Variants in CDH13 observed in about 807,000 individuals in gnomAD.
CDH13 encodes the protein cadherin 13.
In CDH13, 24 loss-of-function variants were observed where a neutral mutation model predicts 63.8. That is an observed-to-expected ratio of 0.38 (90% CI 0.27 to 0.53). The LOEUF (loss-of-function observed/expected upper bound fraction) is 0.53, where lower values mean the gene tolerates loss of function less well. Among genes scored for constraint, CDH13 ranks in the 20% least tolerant of loss-of-function variants. The pLI, the probability that CDH13 is intolerant of heterozygous loss-of-function variation, is 0.85. For synonymous variants in CDH13, 503 were observed against 355.3 expected, an observed-to-expected ratio of 1.42 and a Z score of -4.67; for missense variants, 1,049 against 903.1, an observed-to-expected ratio of 1.16 and a Z score of -2.07.
chr16:83,533,536 G>T (rs1416553546), intron 7 of CDH13, among the ~76,000 whole-genome samples: 1 of 152,004 alleles, frequency 6.6e-6, no homozygotes, highest in Non-Finnish European at 1.5e-5. Context: ...TAAGGACCCA[G>T]CACAAGGAGG....
chr16:83,377,969 A>G (rs1321384718), intron 6 of CDH13, among the ~76,000 whole-genome samples: 2 of 152,200 alleles, frequency 1.3e-5, no homozygotes, highest in Non-Finnish European at 2.9e-5. Flanking sequence ...TGAGTAGAAG[A>G]TGAATTTGCA....
chr16:82,735,199 T>C (rs1024090769), intron 1 of CDH13, among the ~76,000 whole-genome samples: 1 of 152,234 alleles, frequency 6.6e-6, no homozygotes, highest in Non-Finnish European at 1.5e-5. Flanking sequence ...TCCCCACCCA[T>C]TGATTATCAT....
At position 83,198,874 on chromosome 16, in the gene CDH13, T is replaced by C. The variant is rs527339367; in HGVS notation, c.484-18471T>C. 3.9e-5 allele frequency among the ~76,000 whole-genome samples: 6 copies of C among 152,270 alleles called. No individual in the cohort carries two copies. In the South Asian group the frequency reaches 1.0e-3, roughly 26 times the overall value. ...ACTCTGTGGTACTAAAATTAAATAA[T>C]GGGGTTTTTTTTAAAGACAGAATTG... is the stretch of plus-strand genomic sequence containing the variant. On this transcript the variant is annotated intron_variant, in intron 4 of 13. Transcript: ENST00000567109.
chr16:83,212,145 C>T (rs966757641), intron 4 of CDH13, among the ~76,000 whole-genome samples: 11 of 152,202 alleles, frequency 7.2e-5, no homozygotes, highest in East Asian at 3.9e-4. Flanking sequence ...CTGTGGAGTT[C>T]CCAGGAGTTG....
intron 2 of CDH13, among the ~76,000 whole-genome samples, chr16:82,937,165 C>T (rs2042695077): frequency 6.6e-6 from 1 of 152,172 alleles, no homozygotes; most frequent in African/African-American, 2.4e-5. Context: ...GGTGGTCACG[C>T]TACTGCTGCA....
chr16:83,069,250 T>A (rs2032256294), intron 3 of CDH13, among the ~76,000 whole-genome samples: 2 of 152,180 alleles, frequency 1.3e-5, no homozygotes, highest in Non-Finnish European at 2.9e-5. Context: ...TTTATCAGAG[T>A]TCTAACACCA....
chr16:82,824,531 T>C, intron 1 of CDH13: 1 of 152,184 alleles, frequency 6.6e-6, no homozygotes, highest in East Asian at 1.9e-4. Context: ...CTGAAGTAAG[T>C]TCACAACGCC....
At chr16:83,783,229 A>T in intron 12 of CDH13, 25 bp from the exon 13 acceptor site, 1 of 1,559,846 alleles carries the variant, frequency 6.4e-7, no homozygotes. Flanking sequence ...ATCCACTCTC[A>T]CCAGAACCCT....
intron 2 of CDH13, among the ~76,000 whole-genome samples, chr16:82,912,999 C>A (rs912930586): frequency 1.3e-5 from 2 of 150,816 alleles, no homozygotes; most frequent in African/African-American, 4.9e-5. Flanking sequence ...CGTTTGTTGT[C>A]TCTACATGGT....
intron 1 of CDH13, among the ~76,000 whole-genome samples, chr16:82,816,790 C>G (rs1052124266): frequency 8.2e-5 from 11 of 134,438 alleles, no homozygotes; most frequent in African/African-American, 3.2e-4. Context: ...TCACTACCAC[C>G]TGCTAGAAAC....
At chr16:83,295,672 T>C (rs1479018784) in intron 5 of CDH13, among the ~76,000 whole-genome samples, 1 of 152,134 alleles carries the variant, frequency 6.6e-6, no homozygotes, top group Non-Finnish European at 1.5e-5. Flanking sequence ...AGATAAAATA[T>C]AAATGTTGGC....
At chr16:82,847,292 A>T (rs913662543) in intron 1 of CDH13, among the ~76,000 whole-genome samples, 15 of 152,224 alleles carry the variant, frequency 9.9e-5, no homozygotes, top group African/African-American at 3.6e-4. Context: ...GAATGTCAGA[A>T]GTTCAAAATG....
chr16:83,374,988 A>G (rs963334864), intron 6 of CDH13, among the ~76,000 whole-genome samples: 5 of 152,210 alleles, frequency 3.3e-5, no homozygotes, highest in African/African-American at 1.2e-4. Context: ...ATCTCAAGAA[A>G]TTCCGAAAAT....
At chr16:83,024,541 C>T (rs948318235) in intron 2 of CDH13, among the ~76,000 whole-genome samples, 6 of 152,088 alleles carry the variant, frequency 3.9e-5, no homozygotes, top group East Asian at 1.9e-4. Flanking sequence ...GATTTGACCT[C>T]GGTTCATATA....
At chr16:83,722,084 A>G (rs1909773121) in intron 10 of CDH13, among the ~76,000 whole-genome samples, 1 of 152,160 alleles carries the variant, frequency 6.6e-6, no homozygotes, top group African/African-American at 2.4e-5. Flanking sequence ...CAAGCTACTC[A>G]TTCCCAGGGA....
At chr16:83,472,238 C>T (rs556510690) in intron 6 of CDH13, among the ~76,000 whole-genome samples, 2 of 152,188 alleles carry the variant, frequency 1.3e-5, no homozygotes, top group Non-Finnish European at 2.9e-5. Context: ...GGGACTGAAA[C>T]TGGGGACTCT....
rs146150370 is a variant in CDH13 at position 83,055,696 on chromosome 16, G to A, written c.366+23478G>A. Among the ~76,000 whole-genome samples the A allele has an allele frequency of 5.1e-3, 782 of 152,078 alleles. 6 individuals carry two copies. The highest frequency in any genetic ancestry group is 0.018 in the African/African-American group (749 of 41,544). ...AAAGAAGAAAATACACTAATCTTATGCAAACTCTTCTGTAAAATAGAAAAA... is the reference window on the plus strand; with the variant it reads ...AAAGAAGAAAATACACTAATCTTATACAAACTCTTCTGTAAAATAGAAAAA... On this transcript the variant is annotated intron_variant, in intron 3 of 13. Coordinates refer to ENST00000567109, the MANE Select transcript of CDH13 (RefSeq NM_001257.5).
At chr16:82,999,029 A>T (rs1912567737) in intron 2 of CDH13, among the ~76,000 whole-genome samples, 1 of 152,034 alleles carries the variant, frequency 6.6e-6, no homozygotes, top group South Asian at 2.1e-4. Flanking sequence ...CAGACACCAA[A>T]ACGCGTATTC....
Position 83,092,668 on chromosome 16 carries a change from C to G in CDH13, c.367-32717C>G, listed in dbSNP as rs576448372. Among the ~76,000 whole-genome samples, 530 of 152,230 alleles carry G rather than the reference C, an allele frequency of 3.5e-3. 1 individual carries two copies. The highest frequency in any genetic ancestry group is 6.8e-3 in the Middle Eastern group (2 of 294). On this transcript the variant is annotated intron_variant, in intron 3 of 13. Transcript: ENST00000567109. ...ACTGCTATCCCTCTTATTGGCTGTA[C>G]AATTCTGTTTTCTCTGTTTATTTTG...
Sources: allele counts gnomAD v4.1 joint callset (sites outside exome capture counted in the v4.1 genomes callset), GRCh38; gene constraint gnomAD v4.1.1; transcripts MANE v1.5; gene names NCBI Gene and HGNC (gene_info 2026-07-23, HGNC 2026-07-21).